Variants in ENOX1 observed in about 807,000 individuals in gnomAD.
ENOX1 encodes candidate growth-related and time keeping constitutive hydroquinone (NADH) oxidase.
ENOX1 carries 42 observed loss-of-function variants against 82.5 expected under a neutral mutation model. The ratio of observed to expected loss-of-function variants is 0.51; its 90% CI spans 0.40 to 0.66. The LOEUF is 0.66. ENOX1 is among the 30% of genes least tolerant of loss of function. The probability of loss-of-function intolerance (pLI) is 0.00; values close to 1 mark genes in which losing one functional copy is unlikely to be tolerated. For missense variants in ENOX1, 608 were observed against 811.6 expected (o/e 0.75, Z 3.05); for synonymous variants, 271 against 282.2 (o/e 0.96, Z 0.40).
chr13:43,698,364 G>T (rs1170875176), intron 1 of ENOX1, among the ~76,000 whole-genome samples: 1 of 152,022 alleles, frequency 6.6e-6, no homozygotes, highest in Non-Finnish European at 1.5e-5. Context: ...ACAAAGAAAA[G>T]ATCAATTATA....
intron 2 of ENOX1, among the ~76,000 whole-genome samples, chr13:43,600,562 T>C (rs1040840485): frequency 6.6e-6 from 1 of 152,150 alleles, no homozygotes; most frequent in Non-Finnish European, 1.5e-5. Context: ...CTCTAGGCCC[T>C]GGCTCCAGGA....
chr13:43,721,236 A>G (rs1212207009), intron 1 of ENOX1, among the ~76,000 whole-genome samples: 2 of 152,316 alleles, frequency 1.3e-5, no homozygotes, highest in East Asian at 3.9e-4. Flanking sequence ...AGTATTGCAC[A>G]ATATACAGAT....
chr13:43,449,976 A>G (rs1049846432), intron 3 of ENOX1, among the ~76,000 whole-genome samples: 1 of 152,212 alleles, frequency 6.6e-6, no homozygotes, highest in African/African-American at 2.4e-5. Context: ...AATGCTGTAA[A>G]TAAGTTTGTG....
intron 1 of ENOX1, among the ~76,000 whole-genome samples, chr13:43,775,743 G>A (rs1311164591): frequency 6.6e-6 from 1 of 151,998 alleles, no homozygotes; most frequent in African/African-American, 2.4e-5. Flanking sequence ...TGCTAGGGGG[G>A]CCTACACGGT....
chr13:43,603,136 G>C (rs1396799685), intron 2 of ENOX1, among the ~76,000 whole-genome samples: 3 of 151,814 alleles, frequency 2.0e-5, no homozygotes, highest in African/African-American at 7.3e-5. Flanking sequence ...TAAGACTTTG[G>C]AAATCAGAAA....
intron 1 of ENOX1, among the ~76,000 whole-genome samples, chr13:43,690,849 T>C (rs1005974262): frequency 5.3e-5 from 8 of 152,232 alleles, no homozygotes; most frequent in African/African-American, 1.7e-4. Flanking sequence ...TCCCACTGGC[T>C]AAGTTAAATA....
At chr13:43,496,673 C>T (rs1169508909) in intron 2 of ENOX1, among the ~76,000 whole-genome samples, 1 of 152,180 alleles carries the variant, frequency 6.6e-6, no homozygotes, top group Non-Finnish European at 1.5e-5. Context: ...TGAGTCACCA[C>T]ACCCAGCCTC....
intron 2 of ENOX1, among the ~76,000 whole-genome samples, chr13:43,600,364 G>A (rs988667517): frequency 2.6e-5 from 4 of 152,160 alleles, no homozygotes; most frequent in African/African-American, 9.7e-5. Flanking sequence ...AGAGCCCTTG[G>A]GTCTTGAAGG....
At chr13:43,619,437 T>G (rs2082629032) in intron 2 of ENOX1, among the ~76,000 whole-genome samples, 1 of 152,170 alleles carries the variant, frequency 6.6e-6, no homozygotes, top group Non-Finnish European at 1.5e-5. Flanking sequence ...ATGCTGATTT[T>G]GCTGAGAATT....
chr13:43,336,647 A>C (rs2048731215), intron 9 of ENOX1, among the ~76,000 whole-genome samples: 1 of 152,152 alleles, frequency 6.6e-6, no homozygotes, highest in African/African-American at 2.4e-5. Flanking sequence ...TCACTTTAGG[A>C]GCTTTGAACC....
intron 2 of ENOX1, among the ~76,000 whole-genome samples, chr13:43,492,763 A>C (rs537910207): frequency 2.6e-5 from 4 of 152,314 alleles, no homozygotes; most frequent in African/African-American, 9.6e-5. Context: ...AAACTCTTTA[A>C]AATTTTATGC....
intron 14 of ENOX1, among the ~76,000 whole-genome samples, chr13:43,256,181 AC>A (rs1466411645): frequency 6.6e-6 from 1 of 152,212 alleles, no homozygotes; most frequent in Non-Finnish European, 1.5e-5. Context: ...TAAATGTAAG[AC>A]CAGAAAGTAT....
At chr13:43,299,858 G>A (rs1593791364) in intron 11 of ENOX1, among the ~76,000 whole-genome samples, 1 of 152,276 alleles carries the variant, frequency 6.6e-6, no homozygotes, top group South Asian at 2.1e-4. Context: ...GTGCATGCGC[G>A]TTTCCAGCCC....
intron 2 of ENOX1, among the ~76,000 whole-genome samples, chr13:43,581,603 A>C (rs1412516242): frequency 6.6e-6 from 1 of 152,216 alleles, no homozygotes; most frequent in Non-Finnish European, 1.5e-5. Context: ...AAAAAGTTTT[A>C]AAAACATTTT....
chr13:43,434,942 T>G (rs1467866951), intron 3 of ENOX1, among the ~76,000 whole-genome samples: 147 of 126,564 alleles, frequency 1.2e-3, no homozygotes, highest in South Asian at 1.9e-3. Flanking sequence ...GTGTGGTTTT[T>G]TTTTTTTTTT....
intron 1 of ENOX1, among the ~76,000 whole-genome samples, chr13:43,726,159 C>CA (rs2088937556): frequency 1.3e-5 from 2 of 148,518 alleles, no homozygotes; most frequent in African/African-American, 2.5e-5. Context: ...AAGAATACAC[C>CA]AAAAAAACAA....
intron 2 of ENOX1, among the ~76,000 whole-genome samples, chr13:43,630,639 C>T (rs2153750612): frequency 6.6e-6 from 1 of 150,562 alleles, no homozygotes; most frequent in South Asian, 2.1e-4. Context: ...TACAGATATA[C>T]TGCAACTTCT....
chr13:43,645,542 G>T (rs1488584275), intron 2 of ENOX1, among the ~76,000 whole-genome samples: 1 of 152,114 alleles, frequency 6.6e-6, no homozygotes, highest in Non-Finnish European at 1.5e-5. Context: ...TGTAACTAAA[G>T]GTGATTAAAG....
intron 10 of ENOX1, among the ~76,000 whole-genome samples, chr13:43,325,054 A>G (rs897426146): frequency 1.5e-4 from 23 of 152,168 alleles, no homozygotes; most frequent in African/African-American, 5.3e-4. Flanking sequence ...ATGGACTCCA[A>G]TTTGTGTTTT....
Sources: gnomAD v4.1 joint callset for allele counts (sites outside exome capture counted in the v4.1 genomes callset) on GRCh38, gnomAD v4.1.1 for gene constraint, MANE v1.5 for transcripts, NCBI Gene and HGNC (gene_info 2026-07-23, HGNC 2026-07-21) for gene names.